Variants in CLSTN1 observed in about 807,000 individuals in gnomAD.
The protein encoded by CLSTN1 is calsyntenin-1.
A neutral mutation model predicts 108.3 loss-of-function variants in CLSTN1; 28 were observed. The ratio of observed to expected loss-of-function variants is 0.26; its 90% CI spans 0.19 to 0.35. CLSTN1 has a LOEUF of 0.35. Ranked by LOEUF, CLSTN1 falls within the 10% of genes least tolerant of loss-of-function variation. The pLI, the probability that CLSTN1 is intolerant of heterozygous loss-of-function variation, is 1.00. For missense variants in CLSTN1, 1,157 were observed against 1,302.6 expected (o/e 0.89, Z 1.72); for synonymous variants, 524 against 534.9 (o/e 0.98, Z 0.28).
chr1:9,753,411 T>C (rs1651654002), intron 4 of CLSTN1, among the ~76,000 whole-genome samples: 1 of 152,094 alleles, frequency 6.6e-6, no homozygotes, highest in African/African-American at 2.4e-5. Flanking sequence ...CTGCTACAAC[T>C]GCAGTTCCTA....
intron 1 of CLSTN1, among the ~76,000 whole-genome samples, chr1:9,793,292 C>A (rs1468275003): frequency 1.3e-5 from 2 of 151,482 alleles, no homozygotes; most frequent in African/African-American, 2.4e-5. Context: ...GGATTACAGG[C>A]GTGAGCCACT....
At chr1:9,786,648 CAAAAAAAAAAAAAA>C (rs36003203) in intron 1 of CLSTN1, among the ~76,000 whole-genome samples, 4 of 37,094 alleles carry the variant, frequency 1.1e-4, no homozygotes, top group Admixed American at 3.1e-4. Context: ...GACTCCGTCT[CAAAAAAAAAAAAAA>C]AAAAAAAAAA....
intron 1 of CLSTN1, among the ~76,000 whole-genome samples, chr1:9,807,683 C>T (rs1460493079): frequency 6.6e-6 from 1 of 152,198 alleles, no homozygotes; most frequent in Non-Finnish European, 1.5e-5. Flanking sequence ...GAGGCGGCTG[C>T]TTGCAGAGGG....
chr1:9,770,384 G>A (rs564716022), intron 2 of CLSTN1, among the ~76,000 whole-genome samples: 1 of 152,240 alleles, frequency 6.6e-6, no homozygotes, highest in Non-Finnish European at 1.5e-5. Context: ...ATATTTCATT[G>A]ATAAGACTTT....
intron 1 of CLSTN1, among the ~76,000 whole-genome samples, chr1:9,778,931 G>A (rs1653101920): frequency 6.6e-6 from 1 of 151,932 alleles, no homozygotes; most frequent in Non-Finnish European, 1.5e-5. Flanking sequence ...GCTGAGGCAG[G>A]AGAATCGCTT....
intron 2 of CLSTN1, among the ~76,000 whole-genome samples, chr1:9,763,506 C>A (rs1037006343): frequency 6.6e-6 from 1 of 152,188 alleles, no homozygotes; most frequent in Non-Finnish European, 1.5e-5. Flanking sequence ...AGACAGTCTG[C>A]AGACCTGGGA....
chr1:9,765,582 A>C (rs1395854048), intron 2 of CLSTN1, among the ~76,000 whole-genome samples: 1 of 151,294 alleles, frequency 6.6e-6, no homozygotes, highest in Non-Finnish European at 1.5e-5. Flanking sequence ...TCTCAAAAAA[A>C]GAAAAAAAAA....
chr1:9,765,064 AT>A (rs200576354), intron 2 of CLSTN1, among the ~76,000 whole-genome samples: 30 of 150,636 alleles, frequency 2.0e-4, no homozygotes, highest in African/African-American at 3.2e-4. Flanking sequence ...GTGAAATGTC[AT>A]TTTTTTTTCA....
intron 2 of CLSTN1, among the ~76,000 whole-genome samples, chr1:9,771,863 T>C (rs1652700415): frequency 6.6e-6 from 1 of 152,174 alleles, no homozygotes; most frequent in African/African-American, 2.4e-5. Context: ...ATTTTTCAAA[T>C]AGTTCTTCAG....
At chr1:9,732,047 G>GAAA in intron 16 of CLSTN1, 151 bp from the exon 17 acceptor site, 7 of 581,254 alleles carry the variant, frequency 1.2e-5, no homozygotes, top group Non-Finnish European at 1.7e-5. Context: ...GAAAAGGACA[G>GAAA]AAAAAAAAAT....
chr1:9,731,949 A>C (rs1188453063), intron 16 of CLSTN1, 53 bp from the exon 17 acceptor site: 1 of 1,609,526 alleles, frequency 6.2e-7, no homozygotes, highest in East Asian at 2.2e-5. Flanking sequence ...AGCCTGTCCA[A>C]GAGGTGACAG....
chr1:9,734,128 C>T lies in CLSTN1; in HGVS notation c.2125G>A (p.Val709Met). 1.2e-6 allele frequency: 2 copies of T among 1,614,100 alleles called. No individual in the cohort carries two copies. Among genetic ancestry groups the T allele is most frequent in the South Asian group, 2.2e-5 (2 of 91,072 alleles). The change falls in exon 15 of 19, where the codon GTG becomes ATG. Residue 709 changes from valine to methionine, a missense_variant. By Grantham distance (21) the Val-to-Met change is conservative. Transcript: ENST00000377298. The surrounding 1 kb of genome is among the most constrained non-coding windows in gnomAD (Gnocchi z 4.8). Reference protein sequence around the residue: ...AEDPTVQESLVSEEIVHDLDT... With the variant: ...AEDPTVQESLMSEEIVHDLDT... Reference sequence around the variant, plus strand: ...AGGTCGTGCACGATCTCCTCGGACACCAGTGATTCTTGAACTGCAAAAGAG... The same window carrying T: ...AGGTCGTGCACGATCTCCTCGGACATCAGTGATTCTTGAACTGCAAAAGAG...
At chr1:9,733,366 C>G (rs1650508054) in intron 16 of CLSTN1, 35 bp downstream of exon 16, 1 of 1,612,582 alleles carries the variant, frequency 6.2e-7, no homozygotes, top group African/African-American at 1.3e-5. Flanking sequence ...CTCACTGCTG[C>G]TATTGGCCCT....
At chr1:9,768,983 T>G (rs1382303919) in intron 2 of CLSTN1, among the ~76,000 whole-genome samples, 240 of 35,286 alleles carry the variant, frequency 6.8e-3, no homozygotes, top group Admixed American at 9.5e-3. Context: ...GAAGAAGGGA[T>G]GGAAGGAGTG....
chr1:9,800,312 A>G (rs964904127), intron 1 of CLSTN1, among the ~76,000 whole-genome samples: 2 of 152,016 alleles, frequency 1.3e-5, no homozygotes, highest in African/African-American at 4.8e-5. Context: ...AAAGATCAAT[A>G]AAACTGATAA....
intron 8 of CLSTN1, 120 bp downstream of exon 8, chr1:9,744,275 G>T: frequency 7.1e-7 from 1 of 1,403,824 alleles, no homozygotes; most frequent in East Asian, 2.3e-5. Context: ...ACACAGCATG[G>T]CACATGGCCT....
rs187245779 is a variant in CLSTN1 at position 9,773,977 on chromosome 1, A to C, written c.92-583T>G. Among the ~76,000 whole-genome samples, 824 of 151,960 alleles carry C rather than the reference A, an allele frequency of 5.4e-3. 11 individuals carry two copies. Among genetic ancestry groups the C allele is most frequent in the African/African-American group, 0.019 (797 of 41,448 alleles). On this transcript the variant is annotated intron_variant, in intron 1 of 18. Transcript: ENST00000377298. ...GGCTGGTCTTGAACCCCCGGGCTCA[A>C]GTGATCCGCCTGCCTTGGCCTCCCA...
intron 1 of CLSTN1, among the ~76,000 whole-genome samples, chr1:9,812,848 C>CAAAAAAAAA (rs1266998113): frequency 2.3e-5 from 2 of 86,210 alleles, no homozygotes; most frequent in African/African-American, 8.5e-5. Flanking sequence ...AACTCTATCT[C>CAAAAAAAAA]AAAAAAAAAA....
rs773718596 is a variant in CLSTN1, at chr1:9,735,033, C to A, written c.2025G>T (p.Gly675=). 1 of 1,614,220 alleles carries A rather than the reference C, an allele frequency of 6.2e-7. No individual in the cohort carries two copies. Among genetic ancestry groups the A allele is most frequent in the Non-Finnish European group, 8.5e-7 (1 of 1,180,040 alleles). The part of the protein sequence containing the change: ...RAASEFESSE[G]VFLFPELRII... ...TGCGAAGCTCAGGGAAAAGGAACAC[C>A]CCTTCTGAGCTTTCAAATTCAGAAG... The change falls in exon 14 of 19, where the codon GGG becomes GGT. Residue 675 remains glycine, a synonymous_variant. Transcript: ENST00000377298.
Sources: gnomAD v4.1 joint callset for allele counts (sites outside exome capture counted in the v4.1 genomes callset) on GRCh38, gnomAD v4.1.1 for gene constraint, Gnocchi (gnomAD v3.1) non-coding constraint, MANE v1.5 for transcripts, NCBI Gene and HGNC (gene_info 2026-07-23, HGNC 2026-07-21) for gene names.